Variants in VSTM2B observed in about 807,000 individuals in gnomAD.
VSTM2B encodes the protein V-set and transmembrane domain containing 2B, also known as V-set and transmembrane domain-containing protein 2B.
A neutral mutation model predicts 24.0 loss-of-function variants in VSTM2B; 24 were observed. The ratio of observed to expected loss-of-function variants is 1.00; its 90% CI spans 0.72 to 1.40. VSTM2B has a LOEUF of 1.40. Among genes scored for constraint, VSTM2B ranks in the 40% most tolerant of loss-of-function variants. The pLI, the probability that VSTM2B is intolerant of heterozygous loss-of-function variation, is 0.00. For missense variants in VSTM2B, 399 were observed against 416.4 expected (o/e 0.96, Z 0.36); for synonymous variants, 226 against 194.4 (o/e 1.16, Z -1.35).
chr19:29,545,437 AC>A (rs1453690182), intron 4 of VSTM2B, among the ~76,000 whole-genome samples: 2 of 152,072 alleles, frequency 1.3e-5, no homozygotes, highest in Non-Finnish European at 2.9e-5. Flanking sequence ...ACATGGTGAA[AC>A]CCCATCTCTA....
chr19:29,535,626 C>T (rs1229207131), intron 4 of VSTM2B, among the ~76,000 whole-genome samples: 1 of 152,182 alleles, frequency 6.6e-6, no homozygotes, highest in Admixed American at 6.5e-5. Context: ...GGAGCATCCG[C>T]GGATGTCGCC....
At chr19:29,547,643 G>A (rs2145495235) in intron 4 of VSTM2B, among the ~76,000 whole-genome samples, 1 of 152,326 alleles carries the variant, frequency 6.6e-6, no homozygotes, top group Non-Finnish European at 1.5e-5. Context: ...AGAGAGGTAG[G>A]ACATGTGAGG....
At position 29,527,396 on chromosome 19, in the gene VSTM2B, G is replaced by A. The variant is rs1969607797; in HGVS notation, c.267+1G>A. The A allele has an allele frequency of 6.6e-7, 1 of 1,523,544 alleles. No individual in the cohort carries two copies. Among genetic ancestry groups the A allele is most frequent in the South Asian group, 1.2e-5 (1 of 81,540 alleles). 94.4% of individuals were successfully genotyped at this position (1,523,544 alleles called of 1,614,324 possible). A position where few individuals can be genotyped will look rare whatever the true frequency, so the allele number is the denominator to read the frequency against. On this transcript the variant is annotated splice_donor_variant, in intron 2 of 4. Coordinates refer to ENST00000335523, the MANE Select transcript of VSTM2B (RefSeq NM_001146339.2). LOFTEE classifies it high-confidence loss of function. ...CAGCGTGCCGGGCGCCCGGAGCAAG[G>A]TAACCCGCCGCCCACGCGGTACCGG...
At chr19:29,535,658 C>T (rs1424737080) in intron 4 of VSTM2B, among the ~76,000 whole-genome samples, 1 of 152,188 alleles carries the variant, frequency 6.6e-6, no homozygotes, top group Non-Finnish European at 1.5e-5. Context: ...AAACCGTGAC[C>T]AAAGGGGGCC....
chr19:29,545,238 C>A (rs1012182524), intron 4 of VSTM2B, among the ~76,000 whole-genome samples: 1 of 151,804 alleles, frequency 6.6e-6, no homozygotes, highest in Admixed American at 6.6e-5. Context: ...GGTAGCCAGG[C>A]GAGAAGAGTT....
At chr19:29,530,389 T>G in intron 4 of VSTM2B, 99 bp downstream of exon 4, 1 of 1,119,146 alleles carries the variant, frequency 8.9e-7, no homozygotes, top group South Asian at 1.8e-5. Context: ...ACCCGCCCCC[T>G]GGGCGCATTT....
At chr19:29,538,341 A>G (rs1046295367) in intron 4 of VSTM2B, among the ~76,000 whole-genome samples, 4 of 152,170 alleles carry the variant, frequency 2.6e-5, no homozygotes, top group Non-Finnish European at 5.9e-5. Flanking sequence ...CCGTGGAAAG[A>G]TGTTAGCTTA....
At chr19:29,558,448 A>G (rs751302547) in intron 4 of VSTM2B, among the ~76,000 whole-genome samples, 18 of 152,184 alleles carry the variant, frequency 1.2e-4, no homozygotes, top group Non-Finnish European at 2.6e-4. Flanking sequence ...TAGCAAAGAC[A>G]TGGAATCAAC....
At chr19:29,544,483 G>A (rs1405897087) in intron 4 of VSTM2B, among the ~76,000 whole-genome samples, 5 of 122,346 alleles carry the variant, frequency 4.1e-5, no homozygotes, top group Non-Finnish European at 6.3e-5. Flanking sequence ...CAGAGATCGC[G>A]CCACTGCACT....
chr19:29,530,347 G>A, intron 4 of VSTM2B, 57 bp downstream of exon 4: 1 of 1,399,158 alleles, frequency 7.1e-7, no homozygotes, highest in Non-Finnish European at 9.3e-7. Context: ...CTAGGGCTGC[G>A]CCGGGACGCC....
intron 4 of VSTM2B, among the ~76,000 whole-genome samples, chr19:29,543,329 CAT>C (rs1301067064): frequency 1.3e-5 from 2 of 152,176 alleles, no homozygotes; most frequent in African/African-American, 4.8e-5. Context: ...TTAATGAGCA[CAT>C]GTTATAGAAT....
chr19:29,528,963 G>C, intron 3 of VSTM2B: 1 of 985,470 alleles, frequency 1.0e-6, no homozygotes, highest in Non-Finnish European at 1.2e-6. Context: ...ACGGGGTAGG[G>C]GGTGGTTGTG....
chr19:29,533,911 C>T (rs946546156), intron 4 of VSTM2B, among the ~76,000 whole-genome samples: 1 of 152,186 alleles, frequency 6.6e-6, no homozygotes, highest in Non-Finnish European at 1.5e-5. Context: ...GGGCAGACGA[C>T]CTTGGGCCTT....
chr19:29,532,030 C>G (rs1969773068), intron 4 of VSTM2B, among the ~76,000 whole-genome samples: 1 of 152,188 alleles, frequency 6.6e-6, no homozygotes, highest in Non-Finnish European at 1.5e-5. Flanking sequence ...GAATTAAGCC[C>G]TAATACTCTC....
chr19:29,528,959 TA>T, intron 3 of VSTM2B: 4 of 984,630 alleles, frequency 4.1e-6, no homozygotes, highest in Non-Finnish European at 4.8e-6. Context: ...GGGGACGGGG[TA>T]GGGGGTGGTT....
In VSTM2B at chr19:29,538,094, G is replaced by T. The variant is rs74369782; in HGVS notation, c.769+7804G>T. Reference sequence around the variant, plus strand: ...CCAGGATTTCAATGCCAACAAATTTGCCCCCTTTCTGGGCCTTTACAGGGC... The same window carrying T: ...CCAGGATTTCAATGCCAACAAATTTTCCCCCTTTCTGGGCCTTTACAGGGC... On this transcript the variant is annotated intron_variant, in intron 4 of 4. Coordinates refer to ENST00000335523, the MANE Select transcript of VSTM2B (RefSeq NM_001146339.2). Among the ~76,000 whole-genome samples, 223 of 152,256 alleles carry T rather than the reference G, an allele frequency of 1.5e-3. 1 individual carries two copies. The highest frequency in any genetic ancestry group is 5.1e-3 in the African/African-American group (210 of 41,552).
At chr19:29,528,550 C>T in intron 3 of VSTM2B, 88 bp downstream of exon 3, 1 of 1,503,510 alleles carries the variant, frequency 6.7e-7, no homozygotes, top group Non-Finnish European at 9.0e-7. Context: ...GCCGCGGCGG[C>T]CGCGCATGTG....
intron 4 of VSTM2B, among the ~76,000 whole-genome samples, chr19:29,544,720 C>G (rs1970110423): frequency 6.6e-6 from 1 of 152,034 alleles, no homozygotes; most frequent in Admixed American, 6.6e-5. Flanking sequence ...TCTTGCAGCC[C>G]TGGGCTCCCC....
chr19:29,536,907 C>T (rs571159558), intron 4 of VSTM2B, among the ~76,000 whole-genome samples: 1 of 152,246 alleles, frequency 6.6e-6, no homozygotes, highest in Non-Finnish European at 1.5e-5. Flanking sequence ...ATTAGTTCTG[C>T]TCTGTGTGGA....
Sources: gnomAD v4.1 joint callset for allele counts (sites outside exome capture counted in the v4.1 genomes callset) on GRCh38, gnomAD v4.1.1 for gene constraint, MANE v1.5 for transcripts, NCBI Gene and HGNC (gene_info 2026-07-23, HGNC 2026-07-21) for gene names.